The following COL25A1 variants were observed in gnomAD, a reference collection of about 807,000 sequenced individuals.
COL25A1 encodes the protein collagen alpha-1(XXV) chain.
A neutral mutation model predicts 128.4 loss-of-function variants in COL25A1; 103 were observed. That is an observed-to-expected ratio of 0.80 (90% CI 0.68 to 0.94). The LOEUF is 0.94. Among genes scored for constraint, COL25A1 ranks in the 40% least tolerant of loss-of-function variants. The pLI is 0.00. For synonymous variants in COL25A1, 279 were observed against 277.2 expected (o/e 1.01, Z -0.06); for missense variants, 745 against 840.0 (o/e 0.89, Z 1.40).
At chr4:108,966,227 G>C (rs1751276411) in intron 8 of COL25A1, among the ~76,000 whole-genome samples, 2 of 149,932 alleles carry the variant, frequency 1.3e-5, no homozygotes, top group Non-Finnish European at 3.0e-5. Context: ...TTATGTTTTG[G>C]GGGGTATTAC....
intron 3 of COL25A1, among the ~76,000 whole-genome samples, chr4:109,058,662 A>G (rs1761667152): frequency 6.6e-6 from 1 of 152,214 alleles, no homozygotes; most frequent in Non-Finnish European, 1.5e-5. Flanking sequence ...GGCTAATAGA[A>G]ACTAGGATTT....
chr4:108,964,118 G>A (rs1751042650), intron 8 of COL25A1, among the ~76,000 whole-genome samples: 4 of 149,816 alleles, frequency 2.7e-5, no homozygotes, highest in Non-Finnish European at 5.9e-5. Flanking sequence ...TTAATAAATA[G>A]TAAATAAGAA....
At chr4:109,130,002 TAA>T (rs35187548) in intron 3 of COL25A1, among the ~76,000 whole-genome samples, 50,321 of 138,572 alleles carry the variant, frequency 0.36, 10,266 homozygotes, top group African/African-American at 0.59. Context: ...AAAGTATAAT[TAA>T]AAAAAAAAAA....
chr4:109,234,500 C>T (rs574562507), intron 3 of COL25A1, among the ~76,000 whole-genome samples: 1 of 152,138 alleles, frequency 6.6e-6, no homozygotes, highest in Non-Finnish European at 1.5e-5. Flanking sequence ...AAAAGCTAAT[C>T]CTGCTCTCTT....
chr4:108,963,373 A>G (rs1208545582), intron 8 of COL25A1, among the ~76,000 whole-genome samples: 1 of 152,168 alleles, frequency 6.6e-6, no homozygotes, highest in African/African-American at 2.4e-5. Context: ...TGTATTTTCT[A>G]TCCACAATAT....
intron 8 of COL25A1, among the ~76,000 whole-genome samples, chr4:108,952,280 G>C (rs1749522584): frequency 6.6e-6 from 1 of 151,678 alleles, no homozygotes; most frequent in Non-Finnish European, 1.5e-5. Flanking sequence ...GAATAAATAA[G>C]CACATTTATA....
rs545235068 is a variant in COL25A1, at chr4:109,052,147, T to C, written c.368-1968A>G. Reference sequence around the variant, plus strand: ...AGTGGATTTCATCAAATAAAAACAATAGATTGCACAAATGTTTAAGAAATA... The same window carrying C: ...AGTGGATTTCATCAAATAAAAACAACAGATTGCACAAATGTTTAAGAAATA... On this transcript the variant is annotated intron_variant, in intron 3 of 37. Coordinates refer to ENST00000399132, the MANE Select transcript of COL25A1 (RefSeq NM_198721.4). Among the ~76,000 whole-genome samples, 11 of 152,142 alleles carry C rather than the reference T, an allele frequency of 7.2e-5. 1 individual carries two copies. Among genetic ancestry groups the C allele is most frequent in the South Asian group, 6.2e-4 (3 of 4,828 alleles).
At chr4:109,007,893 A>T (rs1756188732) in intron 6 of COL25A1, among the ~76,000 whole-genome samples, 1 of 152,158 alleles carries the variant, frequency 6.6e-6, no homozygotes, top group Non-Finnish European at 1.5e-5. Flanking sequence ...GTGCTGGTTT[A>T]TGATCTTTCT....
chr4:108,834,460 G>T (rs1347458343), intron 31 of COL25A1: 10 of 1,361,484 alleles, frequency 7.3e-6, no homozygotes, highest in Non-Finnish European at 9.2e-6. Context: ...TTAGTATGAG[G>T]TACCGATGAA....
At chr4:108,879,255 C>T (rs1433975238) in intron 19 of COL25A1, among the ~76,000 whole-genome samples, 2 of 152,138 alleles carry the variant, frequency 1.3e-5, no homozygotes, top group East Asian at 3.9e-4. Flanking sequence ...ATCTTAATGT[C>T]AAATTTTCAC....
At chr4:109,280,203 A>G (rs1215468957) in intron 3 of COL25A1, among the ~76,000 whole-genome samples, 1 of 152,214 alleles carries the variant, frequency 6.6e-6, no homozygotes, top group Non-Finnish European at 1.5e-5. Flanking sequence ...GTGCATTACT[A>G]TATGTTCAGA....
chr4:108,819,959 CA>C, intron 35 of COL25A1: 1 of 827,930 alleles, frequency 1.2e-6, no homozygotes. Flanking sequence ...AACGGTAATT[CA>C]AAAGATGGTT....
At position 108,852,337 on chromosome 4, in the gene COL25A1, T is replaced by G; in HGVS notation, c.1345-57A>C. ...TAGTAATTATATGTATTAAAATTCA[T>G]ACCTTAAATAGGCACACTATACACC... On this transcript the variant is annotated intron_variant, in intron 25 of 37. Transcript: ENST00000399132. 4 of 1,266,730 alleles carry G rather than the reference T, an allele frequency of 3.2e-6. No homozygotes were observed. In the South Asian group the frequency reaches 3.9e-5, roughly 12 times the overall value. The allele number at this position is 1,266,730 out of a possible 1,614,324, so 78.5% of individuals were successfully genotyped here. A position where few individuals can be genotyped will look rare whatever the true frequency, so the allele number is the denominator to read the frequency against.
chr4:109,152,648 A>G (rs1353782584), intron 3 of COL25A1, among the ~76,000 whole-genome samples: 2 of 152,244 alleles, frequency 1.3e-5, no homozygotes, highest in Non-Finnish European at 2.9e-5. Flanking sequence ...AGAAAAACCA[A>G]ATGTGGTATA....
intron 3 of COL25A1, among the ~76,000 whole-genome samples, chr4:109,107,084 A>T (rs1766506828): frequency 6.6e-6 from 1 of 152,156 alleles, no homozygotes; most frequent in African/African-American, 2.4e-5. Flanking sequence ...AAATTTAATA[A>T]GTGCTTCAAA....
At chr4:108,884,533 A>C (rs1181013505) in intron 18 of COL25A1, among the ~76,000 whole-genome samples, 21 of 152,104 alleles carry the variant, frequency 1.4e-4, no homozygotes, top group Admixed American at 1.4e-3. Flanking sequence ...TTCTTCCTTA[A>C]ATGATTCGGT....
chr4:108,828,210 G>A (rs1203794129), intron 32 of COL25A1, among the ~76,000 whole-genome samples: 3 of 152,046 alleles, frequency 2.0e-5, no homozygotes, highest in Non-Finnish European at 4.4e-5. Flanking sequence ...GCACAATCTC[G>A]GCTCACTGCA....
intron 3 of COL25A1, among the ~76,000 whole-genome samples, chr4:109,076,000 A>G (rs1579289185): frequency 6.6e-6 from 1 of 152,130 alleles, no homozygotes; most frequent in Non-Finnish European, 1.5e-5. Flanking sequence ...CTTTTTTATC[A>G]TTATTCCCTA....
chr4:108,839,091 T>C (rs1734130413), intron 31 of COL25A1, among the ~76,000 whole-genome samples: 1 of 152,102 alleles, frequency 6.6e-6, no homozygotes, highest in Non-Finnish European at 1.5e-5. Flanking sequence ...GGGGAGAGGC[T>C]ATACTGACAT....
Sources: gnomAD v4.1 joint callset for allele counts (sites outside exome capture counted in the v4.1 genomes callset) on GRCh38, gnomAD v4.1.1 for gene constraint, MANE v1.5 for transcripts, NCBI Gene and HGNC (gene_info 2026-07-23, HGNC 2026-07-21) for gene names.